Variants in SH3GL2 observed in about 807,000 individuals in gnomAD.
The protein encoded by SH3GL2 is SH3 domain containing GRB2 like 2, endophilin A1.
SH3GL2 carries 24 observed loss-of-function variants against 46.0 expected under a neutral mutation model. The ratio of observed to expected loss-of-function variants is 0.52; its 90% CI spans 0.38 to 0.73. The LOEUF (loss-of-function observed/expected upper bound fraction) is 0.73, where lower values mean the gene tolerates loss of function less well. SH3GL2 is among the 30% of genes least tolerant of loss of function. The pLI is 0.00. For synonymous variants in SH3GL2, 196 were observed against 147.1 expected, an observed-to-expected ratio of 1.33 and a Z score of -2.40; for missense variants, 413 against 424.2, an observed-to-expected ratio of 0.97 and a Z score of 0.23.
intron 1 of SH3GL2, among the ~76,000 whole-genome samples, chr9:17,675,450 T>C (rs151282711): frequency 3.7e-4 from 57 of 152,356 alleles, no homozygotes; most frequent in Admixed American, 9.8e-4. Flanking sequence ...TGTATTAATA[T>C]TACAGGCATT....
chr9:17,733,441 A>G (rs1359484295), intron 1 of SH3GL2, among the ~76,000 whole-genome samples: 1 of 151,894 alleles, frequency 6.6e-6, no homozygotes, highest in African/African-American at 2.4e-5. Context: ...CACCAGTTAG[A>G]ATGGCAATCA....
chr9:17,769,659 T>C (rs551522658), intron 3 of SH3GL2, among the ~76,000 whole-genome samples: 1 of 152,262 alleles, frequency 6.6e-6, no homozygotes, highest in East Asian at 1.9e-4. Context: ...CCGACCCCTA[T>C]TGAAAATAGT....
At chr9:17,771,882 T>C (rs1306289562) in intron 3 of SH3GL2, among the ~76,000 whole-genome samples, 2 of 150,100 alleles carry the variant, frequency 1.3e-5, no homozygotes, top group Non-Finnish European at 3.0e-5. Context: ...GCTAGGGTTG[T>C]CTATTTGTGT....
At chr9:17,753,863 A>C (rs537304019) in intron 2 of SH3GL2, among the ~76,000 whole-genome samples, 1 of 152,154 alleles carries the variant, frequency 6.6e-6, no homozygotes, top group Non-Finnish European at 1.5e-5. Context: ...TATATGGTGT[A>C]AGGAAGGGGT....
chr9:17,622,138 T>G (rs1179295297), intron 1 of SH3GL2, among the ~76,000 whole-genome samples: 3 of 152,234 alleles, frequency 2.0e-5, no homozygotes, highest in Admixed American at 2.0e-4. Context: ...GCTTGTAACC[T>G]TTTAATGAAT....
intron 1 of SH3GL2, among the ~76,000 whole-genome samples, chr9:17,674,565 T>A (rs1227592703): frequency 6.6e-6 from 1 of 152,058 alleles, no homozygotes; most frequent in Non-Finnish European, 1.5e-5. Flanking sequence ...CCCAAAGCAA[T>A]GAACATGTTA....
intron 1 of SH3GL2, among the ~76,000 whole-genome samples, chr9:17,638,580 A>T (rs1374007559): frequency 6.6e-6 from 1 of 152,222 alleles, no homozygotes; most frequent in Non-Finnish European, 1.5e-5. Flanking sequence ...AATGATGTAT[A>T]AGCTGAGGCT....
chr9:17,616,304 C>A (rs562742318), intron 1 of SH3GL2, among the ~76,000 whole-genome samples: 1 of 152,242 alleles, frequency 6.6e-6, no homozygotes, highest in South Asian at 2.1e-4. Flanking sequence ...GAGTCAGCAA[C>A]CCATTTTCCA....
intron 1 of SH3GL2, among the ~76,000 whole-genome samples, chr9:17,669,153 T>C (rs983728041): frequency 6.6e-6 from 1 of 152,222 alleles, no homozygotes; most frequent in Non-Finnish European, 1.5e-5. Context: ...TAAGAAATAA[T>C]ACAGAGATTT....
Position 17,649,031 on chromosome 9 carries a change from GT to G in SH3GL2, c.45+69745del, listed in dbSNP as rs1407904585. Among the ~76,000 whole-genome samples, 13 of 152,276 alleles carry G rather than the reference GT, an allele frequency of 8.5e-5. No individual in the cohort carries two copies. The South Asian group carries it at 2.7e-3, about 32-fold the overall frequency. On this transcript the variant is annotated intron_variant, in intron 1 of 8. Transcript: ENST00000380607. ...TGTGAGTGCATGTGTATAAAAATAA[GT>G]CTGTCAATGTGGGCTTTTTTTCCTT...
intron 1 of SH3GL2, among the ~76,000 whole-genome samples, chr9:17,588,944 C>T (rs766222879): frequency 5.3e-5 from 8 of 152,114 alleles, no homozygotes; most frequent in Non-Finnish European, 8.8e-5. Context: ...GCAAGTGTAG[C>T]CTAGCTATGT....
intron 1 of SH3GL2, among the ~76,000 whole-genome samples, chr9:17,632,668 A>C (rs1425222875): frequency 2.0e-5 from 3 of 152,200 alleles, no homozygotes; most frequent in Non-Finnish European, 4.4e-5. Flanking sequence ...TATGGCCCTG[A>C]AATAACATTC....
At chr9:17,681,817 A>G (rs1820776283) in intron 1 of SH3GL2, among the ~76,000 whole-genome samples, 1 of 152,252 alleles carries the variant, frequency 6.6e-6, no homozygotes, top group African/African-American at 2.4e-5. Context: ...TGCCAAAGGT[A>G]TAATATCCAG....
rs73645119 is a variant in SH3GL2 at position 17,663,131 on chromosome 9, T to G, written c.45+83844T>G. The stretch of plus-strand genomic sequence containing the variant: ...AGCAGTCATTCTTGAAAAGCCACTT[T>G]TTATTTCTCTATTCCTCATTTTCTA... On this transcript the variant is annotated intron_variant, in intron 1 of 8. Transcript: ENST00000380607. 3.0e-3 allele frequency among the ~76,000 whole-genome samples: 453 copies of G among 152,334 alleles called. 2 individuals carry two copies. Among genetic ancestry groups the G allele is most frequent in the African/African-American group, 0.01 (429 of 41,574 alleles).
At chr9:17,697,591 T>G (rs559733394) in intron 1 of SH3GL2, among the ~76,000 whole-genome samples, 5 of 152,148 alleles carry the variant, frequency 3.3e-5, no homozygotes, top group Non-Finnish European at 7.3e-5. Context: ...AAATATAACC[T>G]GAGGAATGCA....
At chr9:17,608,182 C>T (rs1016672466) in intron 1 of SH3GL2, among the ~76,000 whole-genome samples, 1 of 124,116 alleles carries the variant, frequency 8.1e-6, no homozygotes, top group Non-Finnish European at 1.6e-5. Context: ...GAGTCTTGCT[C>T]TGTTGCCCAG....
intron 3 of SH3GL2, among the ~76,000 whole-genome samples, chr9:17,786,067 C>T (rs954868336): frequency 6.6e-6 from 1 of 152,154 alleles, no homozygotes; most frequent in African/African-American, 2.4e-5. Flanking sequence ...CACAGAGTCA[C>T]TGCAGGGGCC....
intron 1 of SH3GL2, among the ~76,000 whole-genome samples, chr9:17,579,978 A>G (rs1263721048): frequency 6.6e-6 from 1 of 152,182 alleles, no homozygotes; most frequent in Non-Finnish European, 1.5e-5. Context: ...TAAAATCATC[A>G]TGTATTTTAA....
At chr9:17,619,969 G>T (rs1391917539) in intron 1 of SH3GL2, among the ~76,000 whole-genome samples, 1 of 152,026 alleles carries the variant, frequency 6.6e-6, no homozygotes, top group South Asian at 2.1e-4. Flanking sequence ...ATTCTGTGAT[G>T]TAGTATCTTG....
Sources: allele counts gnomAD v4.1 joint callset (sites outside exome capture counted in the v4.1 genomes callset), GRCh38; gene constraint gnomAD v4.1.1; transcripts MANE v1.5; gene names NCBI Gene and HGNC (gene_info 2026-07-23, HGNC 2026-07-21).